KIAA0319L: variants seen among roughly 807,000 people sequenced by gnomAD.
KIAA0319L encodes the protein dyslexia-associated protein KIAA0319-like protein.
In KIAA0319L, 55 loss-of-function variants were observed where a neutral mutation model predicts 120.1. That is an observed-to-expected ratio of 0.46 (90% CI 0.37 to 0.57). The LOEUF is 0.57. Ranked by LOEUF, KIAA0319L falls within the 20% of genes least tolerant of loss-of-function variation. The probability of loss-of-function intolerance (pLI) is 0.00; values close to 1 mark genes in which losing one functional copy is unlikely to be tolerated. For missense variants in KIAA0319L, 1,049 were observed against 1,255.3 expected, an observed-to-expected ratio of 0.84 and a Z score of 2.48; for synonymous variants, 398 against 471.9, an observed-to-expected ratio of 0.84 and a Z score of 2.03.
intron 11 of KIAA0319L, chr1:35,454,095 T>C (rs1642261286): frequency 2.2e-6 from 1 of 452,370 alleles, no homozygotes; most frequent in East Asian, 3.2e-5. Flanking sequence ...TTTTTAGGAT[T>C]TGGGATGGCA....
chr1:35,502,086 G>A (rs1311514611), intron 3 of KIAA0319L, among the ~76,000 whole-genome samples: 1 of 151,850 alleles, frequency 6.6e-6, no homozygotes, highest in Non-Finnish European at 1.5e-5. Flanking sequence ...AGACCACCCT[G>A]GCCAACATGG....
chr1:35,434,837 T>C lies in KIAA0319L; in HGVS notation c.*57A>G. 1 of 1,475,646 alleles carries C rather than the reference T, an allele frequency of 6.8e-7. No homozygotes were observed. 91.4% of individuals were successfully genotyped at this position (1,475,646 alleles called of 1,614,324 possible). A position where few individuals can be genotyped will look rare whatever the true frequency, so the allele number is the denominator to read the frequency against. On this transcript the variant is annotated 3_prime_UTR_variant, in exon 21 of 21. Coordinates refer to ENST00000325722, the MANE Select transcript of KIAA0319L (RefSeq NM_024874.5). ...AGCAGCTGCCCGCAGACTCGGGAGG[T>C]AGGAGGACTGGCCGGGCAGTGTGCT...
intron 2 of KIAA0319L, among the ~76,000 whole-genome samples, chr1:35,546,849 G>A (rs1647000365): frequency 1.3e-5 from 2 of 151,854 alleles, no homozygotes; most frequent in Admixed American, 6.6e-5. Context: ...AGAGAAACTG[G>A]AACCCCCATA....
chr1:35,491,134 GAAGAA>G (rs1404911361), intron 3 of KIAA0319L, among the ~76,000 whole-genome samples: 3 of 152,082 alleles, frequency 2.0e-5, no homozygotes, highest in African/African-American at 7.2e-5. Context: ...AAACAATGCA[GAAGAA>G]AAGATTAGTA....
At chr1:35,485,228 A>G (rs1276799495) in intron 3 of KIAA0319L, among the ~76,000 whole-genome samples, 1 of 152,114 alleles carries the variant, frequency 6.6e-6, no homozygotes, top group Non-Finnish European at 1.5e-5. Context: ...TGTTTTTAAT[A>G]ACTTGCCTAT....
chr1:35,438,237 T>G (rs2149068559), intron 20 of KIAA0319L, among the ~76,000 whole-genome samples: 1 of 152,286 alleles, frequency 6.6e-6, no homozygotes, highest in South Asian at 2.1e-4. Context: ...ATAACTGTCT[T>G]GCACCAAACA....
intron 2 of KIAA0319L, among the ~76,000 whole-genome samples, chr1:35,548,377 T>G (rs1011272297): frequency 7.2e-5 from 11 of 152,126 alleles, no homozygotes; most frequent in African/African-American, 2.7e-4. Context: ...CTGCAAAAAT[T>G]ATTCAGAAAT....
chr1:35,552,431 G>C (rs1212844284), intron 2 of KIAA0319L, among the ~76,000 whole-genome samples: 1 of 152,134 alleles, frequency 6.6e-6, no homozygotes, highest in African/African-American at 2.4e-5. Context: ...CTCTACAGTG[G>C]ACAAACCTGG....
rs138793194 is a variant in KIAA0319L at position 35,507,087 on chromosome 1, C to T, written c.191G>A (p.Gly64Asp). The T allele has an allele frequency of 1.3e-6, 2 of 1,550,144 alleles. No homozygotes were observed. The highest frequency in any genetic ancestry group is 1.4e-5 in the African/African-American group (1 of 72,724). Residue 64 changes from glycine (G) to aspartate (D), a missense_variant, in exon 3 of 21, where the codon GGC becomes GAC. Coordinates refer to ENST00000325722, the MANE Select transcript of KIAA0319L (RefSeq NM_024874.5). ...GTGATTTTCTCCCCCAGATCTCAGGCCAACTCCAAATTGTGTCTTCCCCTG... is the reference window on the plus strand; with the variant it reads ...GTGATTTTCTCCCCCAGATCTCAGGTCAACTCCAAATTGTGTCTTCCCCTG... ...CQQGKTQFGV[G>D]LRSGGENHLW...
Position 35,449,912 on chromosome 1 carries a change from T to C in KIAA0319L, c.2308A>G (p.Lys770Glu). 1 of 1,614,070 alleles carries C rather than the reference T, an allele frequency of 6.2e-7. No homozygotes were observed. The change falls in exon 15 of 21, where the codon AAG (lysine) becomes GAG (glutamate). Residue 770 changes from lysine (K) to glutamate (E), a missense_variant. Lys to Glu is a moderately conservative substitution (Grantham distance 56). Coordinates refer to ENST00000325722, the MANE Select transcript of KIAA0319L (RefSeq NM_024874.5). ...GTCCGGTCTGTGTCACTCTCACCCT[T>C]TGCATCGGTCACTTTCAGGTGAAAA... is the stretch of plus-strand genomic sequence containing the variant. The part of the protein sequence containing the change: ...YTFHLKVTDA[K>E]GESDTDRTTV...
In KIAA0319L at chr1:35,453,527, CA is replaced by C. The variant is rs1642212184; in HGVS notation, c.1913+29del. ...GCTCTTCCAAGGTCTGGAGGCTTTG[CA>C]AAAATAAGGATTTTGTGTCAATACT... is the stretch of plus-strand genomic sequence containing the variant. On this transcript the variant is annotated intron_variant, in intron 12 of 20. Coordinates refer to ENST00000325722, the MANE Select transcript of KIAA0319L (RefSeq NM_024874.5). The surrounding 1 kb of genome is among the most constrained non-coding windows in gnomAD (Gnocchi z 4.1). 9.3e-6 allele frequency: 15 copies of C among 1,612,034 alleles called. No individual in the cohort carries two copies. The South Asian group carries it at 1.5e-4, about 17-fold the overall frequency.
At chr1:35,507,248 G>A (rs1044144056) in intron 2 of KIAA0319L, 113 bp from the exon 3 acceptor site, 2 of 1,038,094 alleles carry the variant, frequency 1.9e-6, no homozygotes, top group African/African-American at 1.6e-5. Flanking sequence ...GTTTTTAAGA[G>A]GGTGAGAAAG....
At chr1:35,461,633 ACTGT>A (rs770440861) in intron 8 of KIAA0319L, among the ~76,000 whole-genome samples, 2 of 152,244 alleles carry the variant, frequency 1.3e-5, no homozygotes, top group African/African-American at 2.4e-5. Flanking sequence ...AACACCATTG[ACTGT>A]CTGGAGGAAA....
intron 2 of KIAA0319L, among the ~76,000 whole-genome samples, chr1:35,513,288 A>ATATATTTTTTTTT (rs1414704674): frequency 1.2e-5 from 1 of 85,338 alleles, no homozygotes; most frequent in African/African-American, 4.3e-5. Context: ...ATATATATAT[A>ATATATTTTTTTTT]TTTTTTTTTT....
chr1:35,493,838 C>G (rs1487601466), intron 3 of KIAA0319L, among the ~76,000 whole-genome samples: 2 of 151,526 alleles, frequency 1.3e-5, no homozygotes, highest in African/African-American at 2.4e-5. Context: ...AAGTGAGACC[C>G]TATCTCAAAC....
intron 3 of KIAA0319L, among the ~76,000 whole-genome samples, chr1:35,493,570 T>C (rs1324963546): frequency 6.6e-6 from 1 of 152,096 alleles, no homozygotes; most frequent in African/African-American, 2.4e-5. Context: ...ATGTCTTTCT[T>C]GCACATCTTT....
chr1:35,482,938 C>T (rs1040209671), intron 3 of KIAA0319L, among the ~76,000 whole-genome samples: 1 of 152,126 alleles, frequency 6.6e-6, no homozygotes, highest in Non-Finnish European at 1.5e-5. Context: ...TTAATTTTAG[C>T]CATTCGAGGT....
At position 35,453,754 on chromosome 1, in the gene KIAA0319L, G is replaced by A. The variant is rs117998362; in HGVS notation, c.1781-65C>T. ...AGGTGGGAAAGGAGAGGAACCAATTGGGACACATGTTCTGGAAGCCATGGA... is the reference window on the plus strand; with the variant it reads ...AGGTGGGAAAGGAGAGGAACCAATTAGGACACATGTTCTGGAAGCCATGGA... On this transcript the variant is annotated intron_variant, in intron 11 of 20. Transcript: ENST00000325722. The surrounding 1 kb of genome is among the most constrained non-coding windows in gnomAD (Gnocchi z 4.1). 687 of 1,513,842 alleles carry A rather than the reference G, an allele frequency of 4.5e-4. No homozygotes were observed. The East Asian group carries it at 9.4e-3, about 21-fold the overall frequency. The allele number at this position is 1,513,842 out of a possible 1,614,324, so 93.8% of individuals were successfully genotyped here. A position where few individuals can be genotyped will look rare whatever the true frequency, so the allele number is the denominator to read the frequency against.
intron 8 of KIAA0319L, among the ~76,000 whole-genome samples, chr1:35,462,062 C>T (rs1334900498): frequency 6.6e-6 from 1 of 152,122 alleles, no homozygotes; most frequent in East Asian, 1.9e-4. Flanking sequence ...ACCATACAGC[C>T]ACAATTAAGG....
Sources: gnomAD v4.1 joint callset for allele counts (sites outside exome capture counted in the v4.1 genomes callset) on GRCh38, gnomAD v4.1.1 for gene constraint, Gnocchi (gnomAD v3.1) non-coding constraint, MANE v1.5 for transcripts, NCBI Gene and HGNC (gene_info 2026-07-23, HGNC 2026-07-21) for gene names.